The following DEUP1 variants were observed in gnomAD, a reference collection of about 807,000 sequenced individuals.
The protein encoded by DEUP1 is deuterosome assembly protein 1, also known as coiled-coil domain containing 67.
A neutral mutation model predicts 87.4 loss-of-function variants in DEUP1; 82 were observed. The observed-to-expected ratio is 0.94, with a 90% CI of 0.78 to 1.13. The LOEUF (loss-of-function observed/expected upper bound fraction) is 1.13, where lower values mean the gene tolerates loss of function less well. DEUP1 is among the 50% of genes most tolerant of loss of function. The pLI, the probability that DEUP1 is intolerant of heterozygous loss-of-function variation, is 0.00. For missense variants in DEUP1, 663 were observed against 681.5 expected, an observed-to-expected ratio of 0.97 and a Z score of 0.30; for synonymous variants, 214 against 222.7, an observed-to-expected ratio of 0.96 and a Z score of 0.35.
At chr11:93,384,218 T>C (rs1260265510) in intron 7 of DEUP1, among the ~76,000 whole-genome samples, 1 of 152,294 alleles carries the variant, frequency 6.6e-6, no homozygotes, top group East Asian at 1.9e-4. Flanking sequence ...TTGTAAGCCA[T>C]TTAAACTCTT....
At chr11:93,348,705 A>G (rs1944480569) in intron 2 of DEUP1, among the ~76,000 whole-genome samples, 1 of 152,152 alleles carries the variant, frequency 6.6e-6, no homozygotes. Flanking sequence ...TTGTTTCTGC[A>G]CCTCTGTTTT....
At chr11:93,332,139 C>T (rs1025168040) in intron 1 of DEUP1, 77 bp from the exon 2 acceptor site, 5 of 886,412 alleles carry the variant, frequency 5.6e-6, no homozygotes, top group Non-Finnish European at 8.6e-6. Flanking sequence ...TGGTTTTTGC[C>T]AGTAGCAAAA....
intron 8 of DEUP1, among the ~76,000 whole-genome samples, chr11:93,386,131 A>G (rs1312175911): frequency 6.6e-6 from 1 of 152,074 alleles, no homozygotes; most frequent in Non-Finnish European, 1.5e-5. Flanking sequence ...TTTATTCTAT[A>G]TTTTTAAATG....
chr11:93,393,071 TC>T (rs1946821306), intron 9 of DEUP1, among the ~76,000 whole-genome samples: 20 of 132,076 alleles, frequency 1.5e-4, no homozygotes, highest in African/African-American at 7.0e-4. Context: ...TCCTCCTTCT[TC>T]TTCTCTTCCT....
rs543881697 is a variant in DEUP1, at chr11:93,380,491, C to T, written c.790-4907C>T. On this transcript the variant is annotated intron_variant, in intron 7 of 13. Coordinates refer to ENST00000298050, the MANE Select transcript of DEUP1 (RefSeq NM_181645.4). ...TCTCGGCTCACTGCAAGCTCCACCT[C>T]CCAGGTTCACGCCATTCTTCTGCCT... 1.4e-3 allele frequency among the ~76,000 whole-genome samples: 218 copies of T among 152,210 alleles called. 1 individual carries two copies. The highest frequency in any genetic ancestry group is 5.0e-3 in the African/African-American group (208 of 41,512).
rs200863396 is a variant in DEUP1, at chr11:93,437,717, T to A, written c.1813T>A (p.Ter605ArgextTer41). Reference sequence around the variant, plus strand: ...CAAGCTAAAACAAAATAGACACATATGAGCTTTTAAACTTTTTTATTTGCT... The same window carrying A: ...CAAGCTAAAACAAAATAGACACATAAGAGCTTTTAAACTTTTTTATTTGCT... The part of the protein sequence containing the change: ...YSKLKQNRHI[*>R] The change falls in exon 14 of 14, where the codon TGA becomes AGA. Residue 605 changes from the stop codon to arginine (R), a stop_lost. Coordinates refer to ENST00000298050, the MANE Select transcript of DEUP1 (RefSeq NM_181645.4). The A allele has an allele frequency of 1.4e-5, 22 of 1,575,574 alleles. No individual in the cohort carries two copies. In the Admixed American group the frequency reaches 2.4e-4, roughly 17 times the overall value.
chr11:93,411,369 T>C (rs1947429861), intron 12 of DEUP1: 2 of 152,186 alleles, frequency 1.3e-5, no homozygotes, highest in Non-Finnish European at 1.5e-5. Flanking sequence ...TTCCACAAAA[T>C]GTTAAGATTC....
chr11:93,428,142 A>T (rs1947988356), intron 13 of DEUP1, among the ~76,000 whole-genome samples: 1 of 152,146 alleles, frequency 6.6e-6, no homozygotes, highest in African/African-American at 2.4e-5. Context: ...AGACACATGC[A>T]CATGTATGTT....
chr11:93,437,412 A>G (rs1327423193), intron 13 of DEUP1, 131 bp from the exon 14 acceptor site: 1 of 652,538 alleles, frequency 1.5e-6, no homozygotes, highest in Non-Finnish European at 2.6e-6. Flanking sequence ...GTGGGAATTC[A>G]GCCCAGGATG....
At chr11:93,339,804 A>G (rs1179492374) in intron 2 of DEUP1, among the ~76,000 whole-genome samples, 3 of 152,168 alleles carry the variant, frequency 2.0e-5, no homozygotes, top group Non-Finnish European at 2.9e-5. Context: ...GTGCAGAGCT[A>G]CTAGGGGCCT....
intron 13 of DEUP1, among the ~76,000 whole-genome samples, chr11:93,418,784 A>G (rs1220018192): frequency 1.3e-5 from 2 of 152,080 alleles, no homozygotes; most frequent in African/African-American, 4.8e-5. Context: ...AACCAACCCA[A>G]ATGTCCAACA....
chr11:93,377,032 G>A (rs1946073616), intron 7 of DEUP1, among the ~76,000 whole-genome samples: 1 of 152,094 alleles, frequency 6.6e-6, no homozygotes, highest in Non-Finnish European at 1.5e-5. Context: ...TTGTTTTGTA[G>A]CCTATCTTAT....
In DEUP1 at chr11:93,371,045, C is replaced by G; in HGVS notation, c.554C>G (p.Ala185Gly). 1 of 1,609,356 alleles carries G rather than the reference C, an allele frequency of 6.2e-7. No homozygotes were observed. The highest frequency in any genetic ancestry group is 8.5e-7 in the Non-Finnish European group (1 of 1,177,572). Residue 185 changes from alanine to glycine, a missense_variant, in exon 7 of 14, where the codon GCA becomes GGA. By Grantham distance (60) the Ala-to-Gly change is moderately conservative. Transcript: ENST00000298050. ...AGTTTTTATATTTTTCAGAAACAGG[C>G]ACAAAGTTACCAAACTCAACTAAAT... is the stretch of plus-strand genomic sequence containing the variant. ...SEKCNQFQKQ[A>G]QSYQTQLNGK...
chr11:93,334,718 G>T (rs758464787), intron 2 of DEUP1, among the ~76,000 whole-genome samples: 2 of 152,162 alleles, frequency 1.3e-5, no homozygotes, highest in Admixed American at 6.6e-5. Context: ...AACCGGGTTT[G>T]ATGTTAATTT....
chr11:93,389,709 A>G (rs2134341778), intron 9 of DEUP1, among the ~76,000 whole-genome samples: 1 of 152,350 alleles, frequency 6.6e-6, no homozygotes, highest in Non-Finnish European at 1.5e-5. Flanking sequence ...AACATTACAC[A>G]GCTATTAAGT....
chr11:93,351,478 A>T (rs1944625477), intron 2 of DEUP1, among the ~76,000 whole-genome samples: 2 of 152,200 alleles, frequency 1.3e-5, no homozygotes, highest in South Asian at 4.1e-4. Flanking sequence ...GCTTACATTG[A>T]CATAGTTCTT....
Position 93,414,984 on chromosome 11 carries a change from AT to A in DEUP1, c.1524-13del. 7.1e-7 allele frequency: 1 copy of A among 1,406,032 alleles called. No homozygotes were observed. The highest frequency in any genetic ancestry group is 9.6e-7 in the Non-Finnish European group (1 of 1,046,172). The allele number at this position is 1,406,032 out of a possible 1,614,324, so 87.1% of individuals were successfully genotyped here. ...GTCCTTGATAGCAACAACAACAACC[AT>A]TTCTTCTCTTTTAGACTTAGTCATG... is the stretch of plus-strand genomic sequence containing the variant. On this transcript the variant is annotated splice_polypyrimidine_tract_variant and intron_variant, in intron 12 of 13. Transcript: ENST00000298050.
intron 9 of DEUP1, among the ~76,000 whole-genome samples, chr11:93,391,480 T>C (rs938642421): frequency 7.9e-5 from 12 of 151,996 alleles, no homozygotes; most frequent in African/African-American, 2.4e-4. Flanking sequence ...GAGGCCAAGG[T>C]GGGCGGATCA....
intron 7 of DEUP1, among the ~76,000 whole-genome samples, chr11:93,375,531 A>G (rs1003290374): frequency 6.6e-6 from 1 of 152,158 alleles, no homozygotes; most frequent in Non-Finnish European, 1.5e-5. Flanking sequence ...TTCTGTGTCT[A>G]TTGAGATGAT....
Sources: gnomAD v4.1 joint callset for allele counts (sites outside exome capture counted in the v4.1 genomes callset) on GRCh38, gnomAD v4.1.1 for gene constraint, MANE v1.5 for transcripts, NCBI Gene and HGNC (gene_info 2026-07-23, HGNC 2026-07-21) for gene names.